The following NPIPB9 variants were observed in gnomAD, a reference collection of about 807,000 sequenced individuals.
The protein encoded by NPIPB9 is nuclear pore complex interacting protein family member B9, also known as nuclear pore complex-interacting protein family member B9.
Under a neutral mutation model 5.6 loss-of-function variants are expected in NPIPB9, and 1 was observed. The ratio of observed to expected loss-of-function variants is 0.18; its 90% CI spans 0.06 to 0.84. NPIPB9 has a LOEUF of 0.84. Ranked by LOEUF, NPIPB9 falls within the 40% of genes least tolerant of loss-of-function variation. The pLI is 0.70. For missense variants in NPIPB9, 3 were observed against 39.1 expected (o/e 0.08, Z 2.46); for synonymous variants, 2 against 12.5 (o/e 0.16, Z 1.77).
chr16:28,765,365 G>A (rs912151509), intron 3 of NPIPB9, among the ~76,000 whole-genome samples: 2 of 30,032 alleles, frequency 6.7e-5, no homozygotes, highest in Non-Finnish European at 1.2e-4. Flanking sequence ...GCCTCCCAAA[G>A]TGCTGGGATT....
chr16:28,758,541 CCCCTCCCCCTCCCCTT>C lies in NPIPB9; in HGVS notation c.111+462_111+477del, dbSNP rs2048930312. 2.5e-4 allele frequency: 3 copies of C among 11,916 alleles called. No homozygotes were observed. The East Asian group carries it at 8.6e-3, about 34-fold the overall frequency. 0.7% of individuals were successfully genotyped at this position (11,916 alleles called of 1,614,324 possible). Reference sequence around the variant, plus strand: ...CCCCCCTTCCCCTCCCCTTCCCCTTCCCCTCCCCCTCCCCTTCCCCTCCCCCTCCCCTTCCCCTCCC... The same window carrying C: ...CCCCCCTTCCCCTCCCCTTCCCCTTCCCCCTCCCCCTCCCCTTCCCCTCCC... On this transcript the variant is annotated intron_variant, in intron 2 of 7. Transcript: ENST00000550983.
At chr16:28,766,889 C>G (rs1596784548) in intron 5 of NPIPB9, among the ~76,000 whole-genome samples, 9 of 105,232 alleles carry the variant, frequency 8.6e-5, no homozygotes, top group East Asian at 8.4e-4. Context: ...CCACGCCCAG[C>G]TAATTTTTGT....
intron 1 of NPIPB9, among the ~76,000 whole-genome samples, chr16:28,756,239 C>G (rs2048812142): frequency 8.0e-6 from 1 of 125,388 alleles, no homozygotes; most frequent in African/African-American, 2.8e-5. Context: ...TCATTCCATT[C>G]TGTCACCCAG....
At chr16:28,752,981 A>T (rs1198070707) in intron 1 of NPIPB9, among the ~76,000 whole-genome samples, 1 of 116,054 alleles carries the variant, frequency 8.6e-6, no homozygotes, top group South Asian at 2.5e-4. Flanking sequence ...GGACTTCAAG[A>T]CCAGCCTGAC....
Position 28,767,032 on chromosome 16 carries a change from T to TC in NPIPB9, c.590+543_590+544insC, listed in dbSNP as rs1395037096. ...TGAGCCACCACACCCAGGCTTTTTT[T>TC]TTTTTTTTTTAATTTTGAGATAGAA... On this transcript the variant is annotated intron_variant, in intron 5 of 7. Coordinates refer to ENST00000550983, the Ensembl canonical transcript of NPIPB9. Among the ~76,000 whole-genome samples the TC allele has an allele frequency of 3.2e-5, 2 of 61,864 alleles. 1 individual carries two copies. Among genetic ancestry groups the TC allele is most frequent in the African/African-American group, 1.3e-4 (2 of 14,982 alleles). The allele number at this position is 61,864 out of a possible 152,430, so 40.6% of individuals were successfully genotyped here.
exon 1 of NPIPB9, chr16:28,752,374 G>A: frequency 9.3e-7 from 1 of 1,077,554 alleles, no homozygotes; most frequent in South Asian, 1.4e-5. Flanking sequence ...GACCACTATA[G>A]ACTCAAACAT....
chr16:28,753,575 T>TAG (rs959578276), intron 1 of NPIPB9, among the ~76,000 whole-genome samples: 1 of 52,554 alleles, frequency 1.9e-5, no homozygotes, highest in African/African-American at 7.5e-5. Context: ...CACACACATA[T>TAG]AGAGAGAGAG....
At position 28,761,888 on chromosome 16, in the gene NPIPB9, A is replaced by C. The variant is rs1336675294; in HGVS notation, c.112-363A>C. Among the ~76,000 whole-genome samples, 4 of 35,748 alleles carry C rather than the reference A, an allele frequency of 1.1e-4. 2 individuals are homozygous for C. Among genetic ancestry groups the C allele is most frequent in the Non-Finnish European group, 1.9e-4 (4 of 21,256 alleles). The allele number at this position is 35,748 out of a possible 152,430, so 23.5% of individuals were successfully genotyped here. A position where few individuals can be genotyped will look rare whatever the true frequency, so the allele number is the denominator to read the frequency against. On this transcript the variant is annotated intron_variant, in intron 2 of 7. Coordinates refer to ENST00000550983, the Ensembl canonical transcript of NPIPB9. Reference sequence around the variant, plus strand: ...GGAGCGGAACTCTGTCTCCAAAAAAAAAAAAAAAAGAGTTTTTTTTTTAGA... The same window carrying C: ...GGAGCGGAACTCTGTCTCCAAAAAACAAAAAAAAAGAGTTTTTTTTTTAGA...
chr16:28,761,896 AAG>A (rs1362775489), intron 2 of NPIPB9, among the ~76,000 whole-genome samples: 1 of 36,218 alleles, frequency 2.8e-5, no homozygotes, highest in Non-Finnish European at 4.6e-5. Context: ...AAAAAAAAAA[AAG>A]AGTTTTTTTT....
At chr16:28,765,773 G>T (rs1454562229) in intron 3 of NPIPB9, among the ~76,000 whole-genome samples, 4 of 98,668 alleles carry the variant, frequency 4.1e-5, no homozygotes, top group African/African-American at 1.2e-4. Flanking sequence ...GTGTGTGTGT[G>T]TGACAGAGTC....
At position 28,752,663 on chromosome 16, in the gene NPIPB9, A is replaced by G; in HGVS notation, c.25+71A>G. On this transcript the variant is annotated intron_variant, in intron 1 of 7. Transcript: ENST00000550983. ...CCGGGTCTCAGCTGCCACACATCTCATAGCGGGTGATGCTGGGGGAAGCTT... is the reference window on the plus strand; with the variant it reads ...CCGGGTCTCAGCTGCCACACATCTCGTAGCGGGTGATGCTGGGGGAAGCTT... The G allele has an allele frequency of 1.9e-6, 2 of 1,034,448 alleles. 1 individual carries two copies. The highest frequency in any genetic ancestry group is 2.8e-6 in the Non-Finnish European group (2 of 720,328). 64.1% of individuals were successfully genotyped at this position (1,034,448 alleles called of 1,614,324 possible).
chr16:28,753,523 CACAT>C (rs755614216), intron 1 of NPIPB9, among the ~76,000 whole-genome samples: 9,089 of 64,542 alleles, frequency 0.14, 257 homozygotes, highest in Middle Eastern at 0.2. Flanking sequence ...CACACACACA[CACAT>C]ACATACACAC....
chr16:28,765,723 G>A (rs1420491715), intron 3 of NPIPB9, among the ~76,000 whole-genome samples: 8 of 6,908 alleles, frequency 1.2e-3, no homozygotes, highest in African/African-American at 2.5e-3. Context: ...TGTCATTCTT[G>A]TGTGTGTGTG....
chr16:28,758,538 C>G (rs1182817176), intron 2 of NPIPB9: 2 of 17,168 alleles, frequency 1.2e-4, no homozygotes, highest in East Asian at 3.4e-3. Context: ...TCCCCTTCCC[C>G]TTCCCCTCCC....
At chr16:28,767,261 T>C (rs534085595) in intron 5 of NPIPB9, among the ~76,000 whole-genome samples, 1 of 103,860 alleles carries the variant, frequency 9.6e-6, no homozygotes, top group East Asian at 2.2e-4. Context: ...AGTGGCATGA[T>C]CTTGGCTCAC....
chr16:28,752,360 C>CCCTATGCT lies in NPIPB9; in HGVS notation c.-207_-206insCTATGCTC. The CCCTATGCT allele has an allele frequency of 1.3e-6, 1 of 796,932 alleles. No individual in the cohort carries two copies. Among genetic ancestry groups the CCCTATGCT allele is most frequent in the Non-Finnish European group, 1.8e-6 (1 of 543,872 alleles). The allele number at this position is 796,932 out of a possible 1,614,324, so 49.4% of individuals were successfully genotyped here. On this transcript the variant is annotated 5_prime_UTR_variant, in exon 1 of 8. It adds an upstream start codon to the 5' untranslated region. Coordinates refer to ENST00000550983, the Ensembl canonical transcript of NPIPB9. ...ACTTGGTTCTGTCCTTTTCTGAAGC[C>CCCTATGCT]CTTGACCACTATAGACTCAAACATC...
rs3987539 is a variant in NPIPB9 at position 28,752,514 on chromosome 16, G to A, written c.-54G>A. 6.0e-5 allele frequency: 83 copies of A among 1,384,782 alleles called. 9 individuals are homozygous for A. The highest frequency in any genetic ancestry group is 5.2e-4 in the South Asian group (43 of 83,448). 85.8% of individuals were successfully genotyped at this position (1,384,782 alleles called of 1,614,324 possible). A position where few individuals can be genotyped will look rare whatever the true frequency, so the allele number is the denominator to read the frequency against. Reference sequence around the variant, plus strand: ...TTGTCCTGACCCCACAGTTCCTGTCGCATGACCAGAGCCAGTTCACCAAGG... The same window carrying A: ...TTGTCCTGACCCCACAGTTCCTGTCACATGACCAGAGCCAGTTCACCAAGG... On this transcript the variant is annotated 5_prime_UTR_variant, in exon 1 of 8. Coordinates refer to ENST00000550983, the Ensembl canonical transcript of NPIPB9.
intron 5 of NPIPB9, among the ~76,000 whole-genome samples, chr16:28,767,042 T>A (rs1489178280): frequency 5.1e-5 from 3 of 59,148 alleles, no homozygotes; most frequent in Non-Finnish European, 1.0e-4. Context: ...TTTTTTTTTT[T>A]AATTTTGAGA....
intron 2 of NPIPB9, among the ~76,000 whole-genome samples, chr16:28,758,456 C>G (rs1437335773): frequency 6.4e-5 from 8 of 125,216 alleles, no homozygotes; most frequent in Non-Finnish European, 1.4e-4. Context: ...TCTTCTCCTC[C>G]TCCTCCTCCA....
Sources: allele counts gnomAD v4.1 joint callset (sites outside exome capture counted in the v4.1 genomes callset), GRCh38; gene constraint gnomAD v4.1.1; transcripts MANE v1.5; gene names NCBI Gene and HGNC (gene_info 2026-07-23, HGNC 2026-07-21).